SH3RF1: variants seen among roughly 807,000 people sequenced by gnomAD.
SH3RF1 encodes the protein SH3 domain containing ring finger 1, also known as E3 ubiquitin-protein ligase SH3RF1.
Under a neutral mutation model 74.0 loss-of-function variants are expected in SH3RF1, and 32 were observed. The ratio of observed to expected loss-of-function variants is 0.43; its 90% CI spans 0.33 to 0.58. The LOEUF (loss-of-function observed/expected upper bound fraction) is 0.58. Ranked by LOEUF, SH3RF1 falls within the 20% of genes least tolerant of loss-of-function variation. SH3RF1 has a pLI of 0.05. For synonymous variants in SH3RF1, 396 were observed against 439.6 expected, an observed-to-expected ratio of 0.90 and a Z score of 1.24; for missense variants, 954 against 1,130.9, an observed-to-expected ratio of 0.84 and a Z score of 2.24.
At position 169,095,023 on chromosome 4, in the gene SH3RF1, C is replaced by G. The variant is rs2126931274; in HGVS notation, c.*1496G>C. On this transcript the variant is annotated 3_prime_UTR_variant, in exon 12 of 12. Transcript: ENST00000284637. The stretch of plus-strand genomic sequence containing the variant: ...TCCCTCCTTTTGTTTTCCGGACTAC[C>G]CAGATCCATGACTGCGTGGCACCGT... 6.6e-6 allele frequency: 1 copy of G among 152,654 alleles called. No individual in the cohort carries two copies. The highest frequency in any genetic ancestry group is 2.1e-4 in the South Asian group (1 of 4,822). The allele number at this position is 152,654 out of a possible 1,614,324, so 9.5% of individuals were successfully genotyped here. A position where few individuals can be genotyped will look rare whatever the true frequency, so the allele number is the denominator to read the frequency against.
At chr4:169,229,299 A>G (rs1730697396) in intron 2 of SH3RF1, among the ~76,000 whole-genome samples, 1 of 152,190 alleles carries the variant, frequency 6.6e-6, no homozygotes, top group Non-Finnish European at 1.5e-5. Context: ...CAATTCTCCA[A>G]TACTTTTGTA....
chr4:169,204,939 G>T (rs1730223943), intron 2 of SH3RF1, among the ~76,000 whole-genome samples: 1 of 152,178 alleles, frequency 6.6e-6, no homozygotes, highest in Non-Finnish European at 1.5e-5. Flanking sequence ...GCTGCTTGCT[G>T]ATTTTTAAAA....
intron 2 of SH3RF1, among the ~76,000 whole-genome samples, chr4:169,159,561 C>T (rs1268079531): frequency 2.0e-5 from 3 of 152,302 alleles, no homozygotes; most frequent in East Asian, 1.9e-4. Flanking sequence ...CAGGTTAACT[C>T]GCTGTGCCTC....
intron 2 of SH3RF1, among the ~76,000 whole-genome samples, chr4:169,183,033 T>C (rs1734539248): frequency 6.6e-6 from 1 of 152,052 alleles, no homozygotes; most frequent in African/African-American, 2.4e-5. Flanking sequence ...GGTGCGGGCA[T>C]GGTGGTTCAT....
At chr4:169,252,342 T>C (rs1209705656) in intron 2 of SH3RF1, among the ~76,000 whole-genome samples, 1 of 152,234 alleles carries the variant, frequency 6.6e-6, no homozygotes, top group African/African-American at 2.4e-5. Flanking sequence ...CACATATTTT[T>C]CCCCAAGGTA....
intron 11 of SH3RF1, among the ~76,000 whole-genome samples, chr4:169,102,915 CTTTTTT>C (rs66574732): frequency 1.6e-4 from 11 of 66,886 alleles, no homozygotes; most frequent in Middle Eastern, 0.019. Flanking sequence ...CAGTCACATT[CTTTTTT>C]TTTTTTTTTT....
At chr4:169,266,859 C>A (rs1450426731) in intron 2 of SH3RF1, among the ~76,000 whole-genome samples, 1 of 152,168 alleles carries the variant, frequency 6.6e-6, no homozygotes, top group Non-Finnish European at 1.5e-5. Context: ...TCAACTCAGA[C>A]TACTGAATAG....
intron 2 of SH3RF1, chr4:169,217,154 CCT>C (rs1179842926): frequency 7.4e-5 from 11 of 148,048 alleles, no homozygotes; most frequent in African/African-American, 2.3e-4. Flanking sequence ...AAAGTGAGAC[CCT>C]GTCTCAAAAA....
intron 2 of SH3RF1, among the ~76,000 whole-genome samples, chr4:169,199,024 T>A (rs1403620170): frequency 1.3e-5 from 2 of 152,062 alleles, no homozygotes; most frequent in African/African-American, 4.8e-5. Context: ...CAGGTCTGAG[T>A]TGTAAGAAGG....
chr4:169,107,283 C>A, intron 10 of SH3RF1, 78 bp from the exon 11 acceptor site: 1 of 1,278,042 alleles, frequency 7.8e-7, no homozygotes, highest in South Asian at 1.7e-5. Flanking sequence ...CCCTATAGTT[C>A]ATTACTACTT....
chr4:169,117,410 T>C, intron 9 of SH3RF1, 113 bp downstream of exon 9: 4 of 1,488,182 alleles, frequency 2.7e-6, no homozygotes, highest in Non-Finnish European at 3.7e-6. Flanking sequence ...CTTTGCCTAA[T>C]GTTGTTCATT....
At chr4:169,218,320 TAGAATAC>T (rs201500426) in intron 2 of SH3RF1, among the ~76,000 whole-genome samples, 53,807 of 139,304 alleles carry the variant, frequency 0.39, 12,452 homozygotes, top group East Asian at 0.71. Context: ...ATATAGAATA[TAGAATAC>T]AGATTATAGA....
intron 8 of SH3RF1, 123 bp from the exon 9 acceptor site, chr4:169,117,905 T>G (rs749930053): frequency 2.5e-6 from 3 of 1,209,510 alleles, no homozygotes; most frequent in Non-Finnish European, 3.4e-6. Flanking sequence ...ATGAATGGAA[T>G]TATTTTTATA....
At chr4:169,130,015 G>C (rs1733586236) in intron 6 of SH3RF1, 31 bp downstream of exon 6, 1 of 1,575,830 alleles carries the variant, frequency 6.3e-7, no homozygotes, top group African/African-American at 1.3e-5. Context: ...AGACCTAAAA[G>C]AGAAATAAAA....
intron 4 of SH3RF1, among the ~76,000 whole-genome samples, chr4:169,153,979 A>T (rs2009329): frequency 0.4 from 60,637 of 151,910 alleles, 12,739 homozygotes; most frequent in African/African-American, 0.55. Flanking sequence ...AATATAGTAA[A>T]CCCTTTTCAT....
chr4:169,130,752 T>C (rs1351060289), intron 5 of SH3RF1, among the ~76,000 whole-genome samples: 2 of 152,198 alleles, frequency 1.3e-5, no homozygotes, highest in African/African-American at 4.8e-5. Context: ...TTTTCAAAGG[T>C]GTCTTATCCA....
chr4:169,216,272 G>A (rs1227871011), intron 2 of SH3RF1, among the ~76,000 whole-genome samples: 1 of 152,044 alleles, frequency 6.6e-6, no homozygotes, highest in African/African-American at 2.4e-5. Flanking sequence ...TCTATATTCT[G>A]AAAAAGCTTC....
In SH3RF1 at chr4:169,155,571, T is replaced by C; in HGVS notation, c.674A>G (p.Asp225Gly). 1 of 1,611,590 alleles carries C rather than the reference T, an allele frequency of 6.2e-7. No individual in the cohort carries two copies. Among genetic ancestry groups the C allele is most frequent in the Non-Finnish European group, 8.5e-7 (1 of 1,177,754 alleles). Residue 225 changes from aspartate to glycine, a missense_variant, in exon 4 of 12, where the codon GAT (aspartate) becomes GGT (glycine). Asp to Gly is a moderately conservative substitution (Grantham distance 94). Around this residue, in one of 3 missense-constraint regions of SH3RF1, gnomAD observed 854 missense variants for 962.5 expected, o/e 0.89. Transcript: ENST00000284637. ...DKDCLPFAKD[D>G]VLTVIRRVDE... ...CACTCTTCGGATCACAGTCAGAACA[T>C]CATCCTGAAGAAACAGCAAATCATT...
At position 169,243,382 on chromosome 4, in the gene SH3RF1, G is replaced by A. The variant is rs112001485; in HGVS notation, c.393+25438C>T. On this transcript the variant is annotated intron_variant, in intron 2 of 11. Transcript: ENST00000284637. ...ACAAAAATTAGCTAGGCATTACAGC[G>A]CATGCCTGTAATCCCAGCTACTCAG... Among the ~76,000 whole-genome samples, 457 of 152,228 alleles carry A rather than the reference G, an allele frequency of 3.0e-3. 1 individual carries two copies. Among genetic ancestry groups the A allele is most frequent in the African/African-American group, 9.4e-3 (392 of 41,530 alleles).
Sources: gnomAD v4.1 joint callset for allele counts (sites outside exome capture counted in the v4.1 genomes callset) on GRCh38, gnomAD v4.1.1 for gene constraint, gnomAD v4.1.1 regional missense constraint, MANE v1.5 for transcripts, NCBI Gene and HGNC (gene_info 2026-07-23, HGNC 2026-07-21) for gene names.